Variants in ABI3BP observed in about 807,000 individuals in gnomAD.
ABI3BP encodes ABI family member 3 binding protein, also known as target of Nesh-SH3.
In ABI3BP, 216 loss-of-function variants were observed where a neutral mutation model predicts 268.6. The ratio of observed to expected loss-of-function variants is 0.80; its 90% CI spans 0.72 to 0.90. The LOEUF is 0.90. ABI3BP is among the 40% of genes least tolerant of loss of function. The pLI is 0.00. For missense variants in ABI3BP, 2,090 were observed against 2,182.4 expected, an observed-to-expected ratio of 0.96 and a Z score of 0.84; for synonymous variants, 730 against 730.0, an observed-to-expected ratio of 1.00 and a Z score of 0.00.
rs760579659 is a variant in ABI3BP, at chr3:100,780,112, G to T, written c.4240+20C>A. On this transcript the variant is annotated intron_variant, in intron 58 of 67. Coordinates refer to ENST00000471714, the MANE Select transcript of ABI3BP (RefSeq NM_001375547.2). ...GTTTCAGAGCTGAGCTGTCATAAAA[G>T]TCAGCATGTTATTACTTACCTGGCT... The T allele has an allele frequency of 6.2e-7, 1 of 1,610,992 alleles. No individual in the cohort carries two copies. Among genetic ancestry groups the T allele is most frequent in the Non-Finnish European group, 8.5e-7 (1 of 1,177,706 alleles).
intron 57 of ABI3BP, among the ~76,000 whole-genome samples, chr3:100,786,680 C>T (rs1193272531): frequency 8.5e-5 from 13 of 152,216 alleles, no homozygotes; most frequent in African/African-American, 2.6e-4. Flanking sequence ...AAGGTGGCTC[C>T]GTTTACAGCC....
intron 4 of ABI3BP, 142 bp from the exon 5 acceptor site, chr3:100,886,465 CA>C: frequency 3.6e-6 from 2 of 556,908 alleles, no homozygotes; most frequent in East Asian, 6.9e-5. Context: ...AAAAAATTTG[CA>C]GAGAACATGA....
chr3:100,876,792 C>T (rs2099165297), intron 6 of ABI3BP, among the ~76,000 whole-genome samples: 1 of 149,244 alleles, frequency 6.7e-6, no homozygotes, highest in East Asian at 2.0e-4. Context: ...CCAGCCTGGC[C>T]AACATGGTAA....
At chr3:100,836,507 C>A (rs780739119) in intron 27 of ABI3BP, among the ~76,000 whole-genome samples, 2 of 152,096 alleles carry the variant, frequency 1.3e-5, no homozygotes, top group Non-Finnish European at 2.9e-5. Flanking sequence ...CTGAGAGCAT[C>A]TTCAGAACTA....
At chr3:100,936,201 G>C (rs1018952359) in intron 1 of ABI3BP, among the ~76,000 whole-genome samples, 4 of 152,012 alleles carry the variant, frequency 2.6e-5, no homozygotes, top group African/African-American at 4.8e-5. Flanking sequence ...TTTGAATTTT[G>C]TTGAAGGCCT....
chr3:100,767,598 A>T (rs1015746781), intron 62 of ABI3BP, among the ~76,000 whole-genome samples: 28 of 128,078 alleles, frequency 2.2e-4, no homozygotes, highest in Non-Finnish European at 1.9e-4. Context: ...AAAATTGATT[A>T]AAAAAAAAAA....
chr3:100,795,272 C>T (rs2097311394), intron 53 of ABI3BP, among the ~76,000 whole-genome samples: 1 of 151,956 alleles, frequency 6.6e-6, no homozygotes, highest in Non-Finnish European at 1.5e-5. Flanking sequence ...TAGACACAGT[C>T]CTGGACTATT....
At chr3:100,945,783 T>C (rs1023072645) in intron 1 of ABI3BP, 4 of 295,274 alleles carry the variant, frequency 1.4e-5, no homozygotes, top group African/African-American at 9.0e-5. Flanking sequence ...TGCTATAAAA[T>C]TTCATGTACA....
intron 22 of ABI3BP, 119 bp from the exon 23 acceptor site, chr3:100,840,283 A>G (rs2098673199): frequency 2.5e-6 from 2 of 793,178 alleles, no homozygotes; most frequent in Admixed American, 3.4e-5. Context: ...ACATGTTTCC[A>G]TCTGTTTTGC....
At chr3:100,835,461 C>A in intron 28 of ABI3BP, 140 bp downstream of exon 28, 1 of 672,338 alleles carries the variant, frequency 1.5e-6, no homozygotes, top group Non-Finnish European at 2.4e-6. Flanking sequence ...TCAATACATT[C>A]AAAATGAAGA....
chr3:100,780,620 CACAT>C (rs1408673386), intron 57 of ABI3BP, among the ~76,000 whole-genome samples: 3 of 152,006 alleles, frequency 2.0e-5, no homozygotes, highest in African/African-American at 7.3e-5. Flanking sequence ...AAAACCCACA[CACAT>C]ACACCTTAGA....
Position 100,926,289 on chromosome 3 carries a change from C to A in ABI3BP, c.259+13G>T. On this transcript the variant is annotated intron_variant, in intron 2 of 67. Coordinates refer to ENST00000471714, the MANE Select transcript of ABI3BP (RefSeq NM_001375547.2). ...CCTCCTTTCCTTCCCAGCCCGATAC[C>A]CAAACACCTTACCAACTATAGCTTC... 1 of 1,612,690 alleles carries A rather than the reference C, an allele frequency of 6.2e-7. No homozygotes were observed.
At chr3:100,817,340 G>T in intron 42 of ABI3BP, 96 bp downstream of exon 42, 1 of 834,788 alleles carries the variant, frequency 1.2e-6, no homozygotes, top group Non-Finnish European at 1.8e-6. Flanking sequence ...TGACAAGATA[G>T]TCCTACAAAG....
chr3:100,750,540 A>G lies in ABI3BP; in HGVS notation c.5316T>C (p.Tyr1772=), dbSNP rs2095252218. The G allele has an allele frequency of 6.2e-7, 1 of 1,613,392 alleles. No homozygotes were observed. The highest frequency in any genetic ancestry group is 1.3e-5 in the African/African-American group (1 of 75,018). The change falls in exon 68 of 68, where the codon TAT becomes TAC. Residue 1772 remains tyrosine, a synonymous_variant. Coordinates refer to ENST00000471714, the MANE Select transcript of ABI3BP (RefSeq NM_001375547.2). ...TAGTCCCACATTCATACCACTGAACATAATTGATTTGGGTGTGACCACCTA... is the reference window on the plus strand; with the variant it reads ...TAGTCCCACATTCATACCACTGAACGTAATTGATTTGGGTGTGACCACCTA... ...GEIGGHTQIN[Y]VQWYECGTTI...
At chr3:100,752,603 A>G in intron 66 of ABI3BP, 184 bp downstream of exon 66, 1 of 556,050 alleles carries the variant, frequency 1.8e-6, no homozygotes, top group Non-Finnish European at 3.1e-6. Flanking sequence ...ACCTTCTAAT[A>G]GCATGTCTTA....
chr3:100,818,500 T>C (rs775354716), intron 41 of ABI3BP, 25 bp downstream of exon 41: 172 of 1,523,690 alleles, frequency 1.1e-4, no homozygotes, highest in Non-Finnish European at 1.5e-4. Context: ...AAAAGCACTA[T>C]TTGAAGGACA....
At chr3:100,752,623 T>C (rs2095400100) in intron 66 of ABI3BP, 164 bp downstream of exon 66, 12 of 657,750 alleles carry the variant, frequency 1.8e-5, no homozygotes, top group Non-Finnish European at 2.5e-5. Context: ...AAATCCTTGC[T>C]TTCTAGGAAT....
intron 1 of ABI3BP, among the ~76,000 whole-genome samples, chr3:100,969,198 C>A (rs2082514378): frequency 6.6e-6 from 1 of 152,186 alleles, no homozygotes; most frequent in South Asian, 2.1e-4. Flanking sequence ...AGCCACAAGG[C>A]AATTCCCAAA....
chr3:100,769,021 C>T (rs554013280), intron 62 of ABI3BP, among the ~76,000 whole-genome samples: 3 of 152,306 alleles, frequency 2.0e-5, no homozygotes, highest in African/African-American at 7.2e-5. Context: ...ATAGATATAA[C>T]TCTATTATAT....
Sources: allele counts gnomAD v4.1 joint callset (sites outside exome capture counted in the v4.1 genomes callset), GRCh38; gene constraint gnomAD v4.1.1; transcripts MANE v1.5; gene names NCBI Gene and HGNC (gene_info 2026-07-23, HGNC 2026-07-21).